The following MAP4K4 variants were observed in gnomAD, a reference collection of about 807,000 sequenced individuals.
MAP4K4 encodes HPK/GCK-like kinase HGK.
Under a neutral mutation model 189.6 loss-of-function variants are expected in MAP4K4, and 38 were observed. That is an observed-to-expected ratio of 0.20 (90% CI 0.15 to 0.26). The LOEUF (loss-of-function observed/expected upper bound fraction) is 0.26. Among genes scored for constraint, MAP4K4 ranks in the 10% least tolerant of loss-of-function variants. MAP4K4 has a pLI of 1.00. For synonymous variants in MAP4K4, 610 were observed against 624.3 expected, an observed-to-expected ratio of 0.98 and a Z score of 0.34; for missense variants, 1,054 against 1,726.9, an observed-to-expected ratio of 0.61 and a Z score of 6.91.
chr2:101,835,805 G>T, intron 8 of MAP4K4, 95 bp from the exon 9 acceptor site: 1 of 789,870 alleles, frequency 1.3e-6, no homozygotes. Context: ...GTCAGACGAT[G>T]GGCCAGAGCA....
intron 6 of MAP4K4, among the ~76,000 whole-genome samples, chr2:101,831,372 T>C (rs1164435334): frequency 6.6e-6 from 1 of 152,238 alleles, no homozygotes; most frequent in Non-Finnish European, 1.5e-5. Flanking sequence ...CTCCTGAACC[T>C]GGGGCTCTCT....
Position 101,847,208 on chromosome 2 carries a change from T to C in MAP4K4, c.1233+2897T>C, listed in dbSNP as rs1439527344. The stretch of plus-strand genomic sequence containing the variant: ...TTGTGGTGATGCTGGTGTAAACTCA[T>C]GTATTGCCCTGCTGGTTGTATAAAA... On this transcript the variant is annotated intron_variant, in intron 12 of 32. Transcript: ENST00000324219. Among the ~76,000 whole-genome samples, 6 of 152,212 alleles carry C rather than the reference T, an allele frequency of 3.9e-5. No individual in the cohort carries two copies. In the South Asian group the frequency reaches 6.2e-4, roughly 16 times the overall value.
At chr2:101,758,156 A>G (rs561581989) in intron 2 of MAP4K4, among the ~76,000 whole-genome samples, 2 of 152,362 alleles carry the variant, frequency 1.3e-5, no homozygotes, top group East Asian at 1.9e-4. Flanking sequence ...AACCATGGAA[A>G]ATGAAACCTC....
chr2:101,757,886 G>A (rs995539595), intron 2 of MAP4K4, among the ~76,000 whole-genome samples: 2 of 152,124 alleles, frequency 1.3e-5, no homozygotes, highest in Admixed American at 6.5e-5. Context: ...TTTTACAGGC[G>A]TGGTGGTACA....
chr2:101,706,211 C>T (rs574557743), intron 2 of MAP4K4, among the ~76,000 whole-genome samples: 2 of 152,220 alleles, frequency 1.3e-5, no homozygotes, highest in South Asian at 4.1e-4. Flanking sequence ...AAATTATGTA[C>T]TTATGTGGCT....
chr2:101,871,459 C>T, intron 23 of MAP4K4, 35 bp from the exon 24 acceptor site: 12 of 1,500,092 alleles, frequency 8.0e-6, no homozygotes, highest in Non-Finnish European at 1.1e-5. Flanking sequence ...TTTAGCAGCG[C>T]TTGAGCGAGA....
chr2:101,753,828 G>C (rs1347692979), intron 2 of MAP4K4, among the ~76,000 whole-genome samples: 1 of 152,012 alleles, frequency 6.6e-6, no homozygotes, highest in African/African-American at 2.4e-5. Context: ...TCAGTCTTTG[G>C]TGGCTTGAAG....
intron 2 of MAP4K4, among the ~76,000 whole-genome samples, chr2:101,737,734 GT>G (rs2061036311): frequency 6.6e-6 from 1 of 151,644 alleles, no homozygotes; most frequent in Non-Finnish European, 1.5e-5. Context: ...ATGAAATAAA[GT>G]TTGAAAAGGA....
intron 2 of MAP4K4, among the ~76,000 whole-genome samples, chr2:101,728,883 G>A (rs12476979): frequency 0.28 from 42,867 of 152,050 alleles, 6,794 homozygotes; most frequent in South Asian, 0.49. Context: ...CCTATATCTT[G>A]TAGTATGTGA....
chr2:101,797,888 A>AGTGTTTTTTT (rs199556837), intron 3 of MAP4K4, among the ~76,000 whole-genome samples: 297 of 7,614 alleles, frequency 0.039, 16 homozygotes, highest in African/African-American at 0.2. Flanking sequence ...ACATTCTTTT[A>AGTGTTTTTTT]GTTTTTTTTT....
At chr2:101,702,691 A>G (rs1168212689) in intron 2 of MAP4K4, among the ~76,000 whole-genome samples, 1 of 152,200 alleles carries the variant, frequency 6.6e-6, no homozygotes, top group African/African-American at 2.4e-5. Context: ...TCCAGCAGGT[A>G]AAATGTCTGA....
intron 28 of MAP4K4, among the ~76,000 whole-genome samples, chr2:101,884,246 C>G (rs1056415816): frequency 6.6e-6 from 1 of 151,854 alleles, no homozygotes; most frequent in Non-Finnish European, 1.5e-5. Context: ...TTAAGGAAAC[C>G]TTAAAATTTA....
intron 13 of MAP4K4, among the ~76,000 whole-genome samples, chr2:101,858,141 CTG>C (rs1444707753): frequency 6.6e-6 from 1 of 152,156 alleles, no homozygotes; most frequent in Non-Finnish European, 1.5e-5. Flanking sequence ...AATGAGGAGA[CTG>C]AGAAAAGGGG....
At chr2:101,837,974 T>C (rs2096809896) in intron 9 of MAP4K4, among the ~76,000 whole-genome samples, 1 of 152,250 alleles carries the variant, frequency 6.6e-6, no homozygotes, top group Non-Finnish European at 1.5e-5. Flanking sequence ...CCAAGTGTTC[T>C]AAAAGGATGA....
At chr2:101,760,026 T>G (rs1463823342) in intron 2 of MAP4K4, among the ~76,000 whole-genome samples, 1 of 151,798 alleles carries the variant, frequency 6.6e-6, no homozygotes, top group Non-Finnish European at 1.5e-5. Context: ...TGTATTTTTT[T>G]GTAGAGATGG....
At chr2:101,755,510 G>C (rs543046768) in intron 2 of MAP4K4, among the ~76,000 whole-genome samples, 1 of 152,272 alleles carries the variant, frequency 6.6e-6, no homozygotes, top group African/African-American at 2.4e-5. Context: ...AGAAACTCCA[G>C]AAAGTGATAC....
rs777826001 is a variant in MAP4K4, at chr2:101,866,542, G to A, written c.2319G>A (p.Gly773=). The A allele has an allele frequency of 8.1e-6, 13 of 1,613,648 alleles. No homozygotes were observed. The Admixed American group carries it at 2.2e-4, about 27-fold the overall frequency. Residue 773 remains glycine, a synonymous_variant, in exon 19 of 33, where the codon GGG becomes GGA. Transcript: ENST00000324219. ...GATCCCAGCCCGGGTCTCACCCTGG[G>A]TCTCAGAGTGGCTCCGGGGAACGCT...
intron 13 of MAP4K4, among the ~76,000 whole-genome samples, chr2:101,857,954 G>A (rs1356599086): frequency 3.3e-5 from 5 of 152,170 alleles, no homozygotes; most frequent in African/African-American, 9.7e-5. Context: ...ATGTCTCCTC[G>A]TAGTCCTTCT....
At chr2:101,797,857 C>G (rs950040789) in intron 3 of MAP4K4, among the ~76,000 whole-genome samples, 2 of 120,932 alleles carry the variant, frequency 1.7e-5, no homozygotes, top group South Asian at 2.7e-4. Flanking sequence ...TGACTGTCTC[C>G]TCCCTATGAA....
Sources: allele counts gnomAD v4.1 joint callset (sites outside exome capture counted in the v4.1 genomes callset), GRCh38; gene constraint gnomAD v4.1.1; transcripts MANE v1.5; gene names NCBI Gene and HGNC (gene_info 2026-07-23, HGNC 2026-07-21).